Variants in CDK8 observed in about 807,000 individuals in gnomAD.
The protein encoded by CDK8 is cyclin dependent kinase 8, also known as cyclin-dependent kinase 8.
A neutral mutation model predicts 71.5 loss-of-function variants in CDK8; 29 were observed. That is an observed-to-expected ratio of 0.41 (90% CI 0.30 to 0.55). The LOEUF is 0.55. CDK8 is among the 20% of genes least tolerant of loss of function. The pLI is 0.37. For missense variants in CDK8, 288 were observed against 572.6 expected (o/e 0.50, Z 5.07); for synonymous variants, 161 against 192.1 (o/e 0.84, Z 1.34).
At chr13:26,264,447 C>G (rs962986762) in intron 1 of CDK8, among the ~76,000 whole-genome samples, 2 of 152,102 alleles carry the variant, frequency 1.3e-5, no homozygotes, top group Non-Finnish European at 2.9e-5. Flanking sequence ...CTCCCAGTAG[C>G]TGCAGTTCTT....
chr13:26,394,645 G>A (rs1875900736), intron 7 of CDK8, among the ~76,000 whole-genome samples: 1 of 152,208 alleles, frequency 6.6e-6, no homozygotes, highest in Non-Finnish European at 1.5e-5. Flanking sequence ...CCACGGGAAA[G>A]GCATAGCTTC....
chr13:26,281,420 A>G (rs1041386566), intron 1 of CDK8, among the ~76,000 whole-genome samples: 4 of 152,238 alleles, frequency 2.6e-5, no homozygotes, highest in African/African-American at 4.8e-5. Context: ...TGGAAGCCCC[A>G]TCCCTAACGG....
At chr13:26,256,452 T>C (rs537577635) in intron 1 of CDK8, among the ~76,000 whole-genome samples, 2 of 152,352 alleles carry the variant, frequency 1.3e-5, no homozygotes, top group Admixed American at 1.3e-4. Flanking sequence ...ACTGACATGT[T>C]ATATAAAATT....
At chr13:26,279,364 T>C (rs1433487798) in intron 1 of CDK8, among the ~76,000 whole-genome samples, 2 of 152,152 alleles carry the variant, frequency 1.3e-5, no homozygotes, top group African/African-American at 4.8e-5. Flanking sequence ...ACCTTTGTAA[T>C]TGAGAGTCTG....
chr13:26,308,155 G>A (rs1266282145), intron 1 of CDK8, among the ~76,000 whole-genome samples: 2 of 152,186 alleles, frequency 1.3e-5, no homozygotes, highest in African/African-American at 2.4e-5. Flanking sequence ...AACTACATGT[G>A]TCTGTTTAAA....
intron 4 of CDK8, among the ~76,000 whole-genome samples, chr13:26,373,296 G>C (rs541593083): frequency 6.6e-6 from 1 of 152,078 alleles, no homozygotes; most frequent in South Asian, 2.1e-4. Context: ...TTCCTTATGT[G>C]ATAGATACAG....
chr13:26,320,272 G>A (rs189656239), intron 1 of CDK8, among the ~76,000 whole-genome samples: 69 of 152,106 alleles, frequency 4.5e-4, no homozygotes, highest in African/African-American at 1.3e-3. Context: ...AAGGCTGTGT[G>A]TGGTAGTACA....
chr13:26,292,186 G>A (rs887814434), intron 1 of CDK8, among the ~76,000 whole-genome samples: 1 of 152,102 alleles, frequency 6.6e-6, no homozygotes, highest in African/African-American at 2.4e-5. Flanking sequence ...TATATCAGTG[G>A]CTTAAACAAT....
intron 1 of CDK8, among the ~76,000 whole-genome samples, chr13:26,321,555 CAATT>C (rs1404912979): frequency 1.3e-5 from 2 of 151,784 alleles, no homozygotes; most frequent in Non-Finnish European, 2.9e-5. Context: ...TATTTTACCA[CAATT>C]AAAAAATGGA....
chr13:26,264,548 C>T (rs1018643052), intron 1 of CDK8, among the ~76,000 whole-genome samples: 3 of 152,158 alleles, frequency 2.0e-5, no homozygotes, highest in African/African-American at 4.8e-5. Flanking sequence ...ATGGGGCACA[C>T]GAGAAATTTT....
intron 4 of CDK8, among the ~76,000 whole-genome samples, chr13:26,370,731 C>T (rs9551263): frequency 1 from 152,189 of 152,298 alleles, 76,040 homozygotes; most frequent in Middle Eastern, 1. Flanking sequence ...AAGAGATTTA[C>T]TCACTGTTGA....
In CDK8 at chr13:26,396,380, T is replaced by A. The variant is rs776618803; in HGVS notation, c.860+26T>A. 8.7e-6 allele frequency: 10 copies of A among 1,151,736 alleles called. No homozygotes were observed. The South Asian group carries it at 1.5e-4, about 18-fold the overall frequency. 71.3% of individuals were successfully genotyped at this position (1,151,736 alleles called of 1,614,324 possible). ...GTAAGTTGGAAAAAAAGAGACTCCT[T>A]GTTGATTTTTGCTTTACCAGAATAC... is the stretch of plus-strand genomic sequence containing the variant. On this transcript the variant is annotated intron_variant, in intron 8 of 12. Transcript: ENST00000381527.
chr13:26,331,615 T>C (rs1875318091), intron 1 of CDK8, among the ~76,000 whole-genome samples: 1 of 152,196 alleles, frequency 6.6e-6, no homozygotes, highest in South Asian at 2.1e-4. Context: ...CAAAGATAAG[T>C]TGGCTATAAA....
At chr13:26,340,991 G>GT (rs1445663181) in intron 2 of CDK8, among the ~76,000 whole-genome samples, 1 of 152,218 alleles carries the variant, frequency 6.6e-6, no homozygotes, top group African/African-American at 2.4e-5. Flanking sequence ...GTAATTCCTA[G>GT]TGTAGACATT....
At chr13:26,335,280 T>C (rs945539449) in intron 1 of CDK8, among the ~76,000 whole-genome samples, 2 of 152,222 alleles carry the variant, frequency 1.3e-5, no homozygotes, top group African/African-American at 4.8e-5. Context: ...CCACTATCCA[T>C]TGTTGACTTA....
At chr13:26,314,883 A>G (rs1199755307) in intron 1 of CDK8, among the ~76,000 whole-genome samples, 1 of 152,218 alleles carries the variant, frequency 6.6e-6, no homozygotes, top group Non-Finnish European at 1.5e-5. Context: ...TCTTTTATAC[A>G]ATATTTGTCA....
chr13:26,254,365 C>G lies in CDK8; in HGVS notation c.-277C>G, dbSNP rs1479573274. The stretch of plus-strand genomic sequence containing the variant: ...CGCGGGGACAAGGGCAGAGACACCG[C>G]TCCCCACCCCCAGCCCTCGTCCCTC... On this transcript the variant is annotated 5_prime_UTR_variant, in exon 1 of 13. Coordinates refer to ENST00000381527, the MANE Select transcript of CDK8 (RefSeq NM_001260.3). The surrounding 1 kb of genome is among the most constrained non-coding windows in gnomAD (Gnocchi z 6.7). 3.3e-6 allele frequency: 1 copy of G among 307,620 alleles called. No individual in the cohort carries two copies. Among genetic ancestry groups the G allele is most frequent in the Non-Finnish European group, 6.2e-6 (1 of 162,576 alleles). The allele number at this position is 307,620 out of a possible 1,614,324, so 19.1% of individuals were successfully genotyped here.
intron 1 of CDK8, among the ~76,000 whole-genome samples, chr13:26,264,841 T>C (rs1019225331): frequency 6.6e-6 from 1 of 152,226 alleles, no homozygotes; most frequent in Non-Finnish European, 1.5e-5. Context: ...TGTCTTTTTG[T>C]GCCTGGCTTA....
At chr13:26,288,187 T>C (rs553465514) in intron 1 of CDK8, among the ~76,000 whole-genome samples, 3 of 152,184 alleles carry the variant, frequency 2.0e-5, no homozygotes, top group Admixed American at 1.3e-4. Flanking sequence ...TGATCTTGAA[T>C]TCCTGACCTC....
Sources: gnomAD v4.1 joint callset for allele counts (sites outside exome capture counted in the v4.1 genomes callset) on GRCh38, gnomAD v4.1.1 for gene constraint, Gnocchi (gnomAD v3.1) non-coding constraint, MANE v1.5 for transcripts, NCBI Gene and HGNC (gene_info 2026-07-23, HGNC 2026-07-21) for gene names.